Variants in SETBP1 observed in about 807,000 individuals in gnomAD.
SETBP1 encodes the protein SET binding protein 1.
Under a neutral mutation model 101.0 loss-of-function variants are expected in SETBP1, and 9 were observed. That is an observed-to-expected ratio of 0.09 (90% CI 0.05 to 0.16). The LOEUF is 0.16. Among genes scored for constraint, SETBP1 ranks in the 10% least tolerant of loss-of-function variants. SETBP1 has a pLI of 1.00. For synonymous variants in SETBP1, 818 were observed against 788.5 expected (o/e 1.04, Z -0.63); for missense variants, 1,858 against 2,033.8 (o/e 0.91, Z 1.66).
chr18:44,787,885 A>AAAAAAAAAAAAAAAAAAAT (rs2071277906), intron 2 of SETBP1, among the ~76,000 whole-genome samples: 1 of 133,588 alleles, frequency 7.5e-6, no homozygotes, highest in African/African-American at 2.8e-5. Context: ...AAAAAAGAAA[A>AAAAAAAAAAAAAAAAAAAT]TTGTTCTCTA....
intron 2 of SETBP1, among the ~76,000 whole-genome samples, chr18:44,713,084 A>G (rs539603390): frequency 1.3e-5 from 2 of 150,384 alleles, no homozygotes; most frequent in African/African-American, 4.9e-5. Context: ...TCAGCCTCCC[A>G]AGCAGCTGGG....
At chr18:44,684,591 T>C (rs1364598792) in intron 1 of SETBP1, among the ~76,000 whole-genome samples, 2 of 151,728 alleles carry the variant, frequency 1.3e-5, no homozygotes, top group African/African-American at 4.8e-5. Flanking sequence ...GAAGGTTTTT[T>C]TTTTTTTTTT....
At chr18:44,794,890 C>A (rs1408757359) in intron 2 of SETBP1, among the ~76,000 whole-genome samples, 1 of 152,076 alleles carries the variant, frequency 6.6e-6, no homozygotes, top group African/African-American at 2.4e-5. Context: ...CTTGGGTTAT[C>A]AAGCAGGAAA....
At position 44,701,300 on chromosome 18, in the gene SETBP1, T is replaced by C. The variant is rs772371464; in HGVS notation, c.-47T>C. On this transcript the variant is annotated 5_prime_UTR_variant, in exon 2 of 6. Coordinates refer to ENST00000649279, the MANE Select transcript of SETBP1 (RefSeq NM_015559.3). ...CTTTTCTCACCTTTCCCTTTTCCCTTTTCCCCTTCCCCCTCCTGAGAACTC... is the reference window on the plus strand; with the variant it reads ...CTTTTCTCACCTTTCCCTTTTCCCTCTTCCCCTTCCCCCTCCTGAGAACTC... 14 of 1,452,688 alleles carry C rather than the reference T, an allele frequency of 9.6e-6. No individual in the cohort carries two copies. In the African/African-American group the frequency reaches 1.9e-4, roughly 19 times the overall value. The allele number at this position is 1,452,688 out of a possible 1,614,324, so 90.0% of individuals were successfully genotyped here.
chr18:44,685,436 G>A (rs1449284180), intron 1 of SETBP1, among the ~76,000 whole-genome samples: 1 of 152,150 alleles, frequency 6.6e-6, no homozygotes, highest in Non-Finnish European at 1.5e-5. Flanking sequence ...TGATACACTG[G>A]GTTGCCTGAA....
intron 5 of SETBP1, among the ~76,000 whole-genome samples, chr18:45,040,104 A>G (rs1275540002): frequency 6.6e-6 from 1 of 152,096 alleles, no homozygotes; most frequent in South Asian, 2.1e-4. Flanking sequence ...GTCTCCTAAC[A>G]TCTCTTGGAA....
intron 2 of SETBP1, among the ~76,000 whole-genome samples, chr18:44,839,143 G>A (rs2072559759): frequency 6.6e-6 from 1 of 151,972 alleles, no homozygotes; most frequent in African/African-American, 2.4e-5. Flanking sequence ...ATAGACAGAT[G>A]AGAGACCTGG....
At chr18:44,868,468 G>A (rs572634718) in intron 2 of SETBP1, among the ~76,000 whole-genome samples, 1 of 152,178 alleles carries the variant, frequency 6.6e-6, no homozygotes, top group East Asian at 1.9e-4. Context: ...GCCAAGGCAG[G>A]CGTATCACCT....
intron 2 of SETBP1, among the ~76,000 whole-genome samples, chr18:44,726,362 T>C (rs775579673): frequency 6.6e-6 from 1 of 152,186 alleles, no homozygotes; most frequent in Non-Finnish European, 1.5e-5. Flanking sequence ...ATAATACTTA[T>C]CTCTTGAGTT....
At chr18:44,818,975 T>C (rs2072045105) in intron 2 of SETBP1, among the ~76,000 whole-genome samples, 1 of 151,172 alleles carries the variant, frequency 6.6e-6, no homozygotes, top group African/African-American at 2.4e-5. Context: ...ACTGAATGTG[T>C]GTGTGTGTGT....
chr18:45,030,998 T>C (rs2073285624), intron 4 of SETBP1, among the ~76,000 whole-genome samples: 1 of 152,020 alleles, frequency 6.6e-6, no homozygotes, highest in Non-Finnish European at 1.5e-5. Flanking sequence ...GGGTTTTTTG[T>C]GTCTCTATTT....
chr18:44,875,531 A>G (rs1335735067), intron 3 of SETBP1, among the ~76,000 whole-genome samples: 1 of 149,908 alleles, frequency 6.7e-6, no homozygotes, highest in Admixed American at 6.6e-5. Flanking sequence ...CCATCTCAAA[A>G]AAAAAAAAAA....
intron 2 of SETBP1, 134 bp downstream of exon 2, chr18:44,701,966 A>C (rs2069123709): frequency 5.0e-6 from 5 of 1,000,040 alleles, no homozygotes; most frequent in Admixed American, 4.7e-5. Flanking sequence ...AGACCCCTGC[A>C]CAGTTAAATC....
At chr18:44,690,740 T>A (rs2068916939) in intron 1 of SETBP1, among the ~76,000 whole-genome samples, 1 of 152,234 alleles carries the variant, frequency 6.6e-6, no homozygotes, top group South Asian at 2.1e-4. Flanking sequence ...AATCAGTTAG[T>A]AAATCAGGGT....
chr18:44,775,512 C>G (rs1687079053), intron 2 of SETBP1, among the ~76,000 whole-genome samples: 1 of 152,066 alleles, frequency 6.6e-6, no homozygotes, highest in African/African-American at 2.4e-5. Context: ...TTCTTTTTCC[C>G]TACCATCACT....
Position 44,950,509 on chromosome 18 carries a change from C to T in SETBP1, c.1169C>T (p.Ala390Val), listed in dbSNP as rs779472482. The T allele has an allele frequency of 1.2e-6, 2 of 1,614,078 alleles. No individual in the cohort carries two copies. The highest frequency in any genetic ancestry group is 1.7e-6 in the Non-Finnish European group (2 of 1,180,036). Residue 390 changes from alanine (A) to valine (V), a missense_variant, in exon 4 of 6, where the codon GCC becomes GTC. Physicochemically the swap from Ala to Val is moderately conservative, Grantham distance 64. Coordinates refer to ENST00000649279, the MANE Select transcript of SETBP1 (RefSeq NM_015559.3). ...CCAGCCAGGCAGAACGTGAGTTCTG[C>T]CAGTAATCCTGAAAATGACTCAAGT... Reference protein sequence around the residue: ...ASPARQNVSSASNPENDSSHV... With the variant: ...ASPARQNVSSVSNPENDSSHV...
chr18:44,876,733 G>T lies in SETBP1; in HGVS notation c.540+7450G>T, dbSNP rs781051739. Reference sequence around the variant, plus strand: ...TCTTCCTTTTCACAGTGAACCTGCAGTCTGGGCACAAGAAGTATAACTTCG... The same window carrying T: ...TCTTCCTTTTCACAGTGAACCTGCATTCTGGGCACAAGAAGTATAACTTCG... On this transcript the variant is annotated intron_variant, in intron 3 of 5. Coordinates refer to ENST00000649279, the MANE Select transcript of SETBP1 (RefSeq NM_015559.3). 8 of 1,540,370 alleles carry T rather than the reference G, an allele frequency of 5.2e-6. No individual in the cohort carries two copies. The South Asian group carries it at 8.5e-5, about 16-fold the overall frequency.
rs768286024 is a variant in SETBP1, at chr18:44,950,512, G to A, written c.1172G>A (p.Ser391Asn). ...SPARQNVSSA[S>N]NPENDSSHVR... ...GCCAGGCAGAACGTGAGTTCTGCCA[G>A]TAATCCTGAAAATGACTCAAGTCAT... Residue 391 changes from serine to asparagine, a missense_variant, in exon 4 of 6, where the codon AGT (serine) becomes AAT (asparagine). Ser to Asn is a conservative substitution (Grantham distance 46). This residue lies in a region of SETBP1 where 581 missense variants were observed against 535.1 expected (regional missense o/e 1.09). Transcript: ENST00000649279. 1.9e-6 allele frequency: 3 copies of A among 1,614,112 alleles called. No individual in the cohort carries two copies. Among genetic ancestry groups the A allele is most frequent in the Admixed American group, 1.7e-5 (1 of 60,018 alleles).
chr18:44,701,380 C>T lies in SETBP1; in HGVS notation c.34C>T (p.Gln12Ter). ...ESRETLSSSRQRGGESDFLPV... is the reference protein window; with the variant it reads ...ESRETLSSSR ...CAGGGAAACCTTAAGCAGCTCCCGG[C>T]AAAGAGGGGGCGAGTCAGACTTCCT... The change falls in exon 2 of 6, where the codon CAA (glutamine) becomes TAA (stop). Residue 12 changes from glutamine (Q) to a stop codon, truncating the protein, a stop_gained. Transcript: ENST00000649279. LOFTEE classifies it high-confidence loss of function. 6.5e-7 allele frequency: 1 copy of T among 1,537,140 alleles called. No homozygotes were observed. The highest frequency in any genetic ancestry group is 8.8e-7 in the Non-Finnish European group (1 of 1,138,792).
Sources: gnomAD v4.1 joint callset for allele counts (sites outside exome capture counted in the v4.1 genomes callset) on GRCh38, gnomAD v4.1.1 for gene constraint, gnomAD v4.1.1 regional missense constraint, MANE v1.5 for transcripts, NCBI Gene and HGNC (gene_info 2026-07-23, HGNC 2026-07-21) for gene names.